The following CEMIP variants were observed in gnomAD, a reference collection of about 807,000 sequenced individuals.
The protein encoded by CEMIP is cell migration-inducing and hyaluronan-binding protein.
In CEMIP, 105 loss-of-function variants were observed where a neutral mutation model predicts 156.9. That is an observed-to-expected ratio of 0.67 (90% CI 0.57 to 0.79). CEMIP has a LOEUF of 0.79. Among genes scored for constraint, CEMIP ranks in the 30% least tolerant of loss-of-function variants. The pLI is 0.00. For missense variants in CEMIP, 1,457 were observed against 1,769.4 expected (o/e 0.82, Z 3.17); for synonymous variants, 676 against 668.4 (o/e 1.01, Z -0.17).
intron 1 of CEMIP, among the ~76,000 whole-genome samples, chr15:80,872,720 C>G (rs988095785): frequency 5.9e-5 from 9 of 151,950 alleles, no homozygotes; most frequent in Non-Finnish European, 8.8e-5. Flanking sequence ...GAGGCTGAGG[C>G]AGGAGAATTG....
intron 1 of CEMIP, among the ~76,000 whole-genome samples, chr15:80,781,599 G>A (rs1315686082): frequency 6.6e-6 from 1 of 152,180 alleles, no homozygotes; most frequent in Non-Finnish European, 1.5e-5. Context: ...ACGCAGGTCT[G>A]CTTTTTTTGT....
chr15:80,880,175 G>A (rs1898600001), intron 5 of CEMIP, among the ~76,000 whole-genome samples: 1 of 152,230 alleles, frequency 6.6e-6, no homozygotes, highest in Admixed American at 6.5e-5. Flanking sequence ...CAAGATACAG[G>A]AAAATTCCAT....
Position 80,873,925 on chromosome 15 carries a change from A to T in CEMIP, c.46A>T (p.Thr16Ser). 1 of 1,580,176 alleles carries T rather than the reference A, an allele frequency of 6.3e-7. No homozygotes were observed. Among genetic ancestry groups the T allele is most frequent in the Non-Finnish European group, 8.6e-7 (1 of 1,161,298 alleles). Residue 16 changes from threonine to serine, a missense_variant, in exon 3 of 30, where the codon ACC (threonine) becomes TCC (serine). Coordinates refer to ENST00000394685, the MANE Select transcript of CEMIP (RefSeq NM_001293298.2). ...GGACTTCCTCTTCAAGGCCATGCTG[A>T]CCATCAGCTGGCTCACTCTGACCTG... Reference protein sequence around the residue: ...RQDFLFKAMLTISWLTLTCFP... With the variant: ...RQDFLFKAMLSISWLTLTCFP...
chr15:80,794,476 G>A (rs1230655380), intron 1 of CEMIP, among the ~76,000 whole-genome samples: 2 of 152,202 alleles, frequency 1.3e-5, no homozygotes, highest in African/African-American at 4.8e-5. Context: ...CATACAATGG[G>A]TGCCACATTT....
At chr15:80,804,737 G>A (rs1896467232) in intron 1 of CEMIP, among the ~76,000 whole-genome samples, 1 of 152,144 alleles carries the variant, frequency 6.6e-6, no homozygotes, top group Non-Finnish European at 1.5e-5. Context: ...TAATGTCACA[G>A]CAAACTCATC....
intron 1 of CEMIP, among the ~76,000 whole-genome samples, chr15:80,828,124 A>G (rs1374102368): frequency 6.6e-6 from 1 of 152,222 alleles, no homozygotes; most frequent in East Asian, 1.9e-4. Context: ...CACGCCTATA[A>G]TCCTAGCACT....
In CEMIP at chr15:80,936,800, GT is replaced by G. The variant is rs1328722980; in HGVS notation, c.3138del (p.Val1047SerfsTer55). 6.2e-7 allele frequency: 1 copy of G among 1,614,034 alleles called. No homozygotes were observed. The highest frequency in any genetic ancestry group is 8.5e-7 in the Non-Finnish European group (1 of 1,180,054). ...CACCCATTACCAGCAATACCAACCG[GT>G]TGTCACCCTGCAGAAGGGCTACACC... ...RSTHYQQYQP[V>X]VTLQKGYTIH... is the part of the protein sequence containing the mutation. On this transcript the variant is annotated frameshift_variant, in exon 24 of 30. Coordinates refer to ENST00000394685, the MANE Select transcript of CEMIP (RefSeq NM_001293298.2). LOFTEE classifies it high-confidence loss of function.
At chr15:80,868,608 A>G (rs2141791952) in intron 1 of CEMIP, among the ~76,000 whole-genome samples, 1 of 152,338 alleles carries the variant, frequency 6.6e-6, no homozygotes, top group South Asian at 2.1e-4. Context: ...CTGAGATTAT[A>G]CTGCAAATAA....
intron 7 of CEMIP, among the ~76,000 whole-genome samples, chr15:80,884,913 A>C (rs1898784295): frequency 1.3e-5 from 2 of 152,100 alleles, no homozygotes. Flanking sequence ...TTTTTTAAAA[A>C]TTTAATTTAA....
chr15:80,794,613 AC>A (rs1413855766), intron 1 of CEMIP, among the ~76,000 whole-genome samples: 1 of 152,232 alleles, frequency 6.6e-6, no homozygotes, highest in Non-Finnish European at 1.5e-5. Context: ...ACAGGTAGTC[AC>A]TATAAAAAGT....
intron 27 of CEMIP, 141 bp downstream of exon 27, chr15:80,942,478 G>T: frequency 1.3e-6 from 1 of 744,180 alleles, no homozygotes. Flanking sequence ...TTGGGGCGGG[G>T]AACCTGTTCC....
intron 1 of CEMIP, among the ~76,000 whole-genome samples, chr15:80,798,674 A>G (rs956955444): frequency 6.6e-6 from 1 of 152,230 alleles, no homozygotes; most frequent in Admixed American, 6.5e-5. Flanking sequence ...TTATGTATTC[A>G]TATCATATAC....
At chr15:80,908,162 T>C (rs545246473) in intron 13 of CEMIP, among the ~76,000 whole-genome samples, 2 of 152,338 alleles carry the variant, frequency 1.3e-5, no homozygotes, top group East Asian at 1.9e-4. Flanking sequence ...CTGTCCTCAG[T>C]TGAGAAACTC....
chr15:80,800,021 A>ATGTGTGTGTGTGTG (rs56412231), intron 1 of CEMIP, among the ~76,000 whole-genome samples: 4,589 of 124,812 alleles, frequency 0.037, 217 homozygotes, highest in African/African-American at 0.073. Flanking sequence ...AGCTAATTTT[A>ATGTGTGTGTGTGTG]TGTGTGTGTG....
At chr15:80,874,094 G>A in intron 3 of CEMIP, 121 bp downstream of exon 3, 1 of 922,660 alleles carries the variant, frequency 1.1e-6, no homozygotes, top group Non-Finnish European at 1.7e-6. Context: ...CAGGGTGCCT[G>A]GGCCTTGGCC....
intron 25 of CEMIP, 59 bp downstream of exon 25, chr15:80,938,038 C>A: frequency 1.4e-6 from 2 of 1,412,490 alleles, no homozygotes; most frequent in Non-Finnish European, 2.0e-6. Context: ...GTCCCCTTGG[C>A]CTTTCCAATA....
chr15:80,837,976 A>G (rs1897301544), intron 1 of CEMIP, among the ~76,000 whole-genome samples: 1 of 152,200 alleles, frequency 6.6e-6, no homozygotes, highest in Admixed American at 6.5e-5. Flanking sequence ...CCTTTCTCCC[A>G]TGGACTCCTA....
chr15:80,902,761 T>C (rs1460611084), intron 12 of CEMIP, among the ~76,000 whole-genome samples: 2 of 152,118 alleles, frequency 1.3e-5, no homozygotes, highest in African/African-American at 4.8e-5. Flanking sequence ...AGATGCCAAA[T>C]TTGCTATCTA....
At chr15:80,895,842 C>T in intron 11 of CEMIP, 27 bp from the exon 12 acceptor site, 1 of 1,612,510 alleles carries the variant, frequency 6.2e-7, no homozygotes, top group East Asian at 2.2e-5. Flanking sequence ...AGGGCTCTAT[C>T]TCAGTCTTTC....
Sources: gnomAD v4.1 joint callset for allele counts (sites outside exome capture counted in the v4.1 genomes callset) on GRCh38, gnomAD v4.1.1 for gene constraint, MANE v1.5 for transcripts, NCBI Gene and HGNC (gene_info 2026-07-23, HGNC 2026-07-21) for gene names.